The following CNKSR2 variants were observed in gnomAD, a reference collection of about 807,000 sequenced individuals.
CNKSR2 encodes connector enhancer of kinase suppressor of Ras 2.
CNKSR2 carries 14 observed loss-of-function variants against 84.4 expected under a neutral mutation model. The observed-to-expected ratio is 0.17, with a 90% CI of 0.11 to 0.26. CNKSR2 has a LOEUF of 0.26. Among genes scored for constraint, CNKSR2 ranks in the 10% least tolerant of loss-of-function variants. CNKSR2 has a pLI of 1.00. For missense variants in CNKSR2, 485 were observed against 771.2 expected, an observed-to-expected ratio of 0.63 and a Z score of 4.40; for synonymous variants, 275 against 277.9, an observed-to-expected ratio of 0.99 and a Z score of 0.10.
chrX:21,498,645 A>G (rs1418177975), intron 7 of CNKSR2, among the ~76,000 whole-genome samples: 1 of 112,202 alleles, frequency 8.9e-6, no homozygotes, highest in Non-Finnish European at 1.9e-5. Context: ...AGGCCATGCT[A>G]TAGAGAACTA....
At chrX:21,508,122 G>A (rs1251747699) in intron 8 of CNKSR2, among the ~76,000 whole-genome samples, 1 of 112,120 alleles carries the variant, frequency 8.9e-6, no homozygotes, top group Non-Finnish European at 1.9e-5. Flanking sequence ...GAGGCTAGAA[G>A]TTCAAGACCA....
At chrX:21,463,920 G>A (rs773252623) in intron 4 of CNKSR2, among the ~76,000 whole-genome samples, 3 of 111,894 alleles carry the variant, frequency 2.7e-5, no homozygotes, top group Non-Finnish European at 5.6e-5. Context: ...TGGGGTTAGG[G>A]GAGGGTTGAT....
chrX:21,500,703 G>A (rs2091550601), intron 7 of CNKSR2, among the ~76,000 whole-genome samples: 1 of 110,945 alleles, frequency 9.0e-6, no homozygotes, highest in Non-Finnish European at 1.9e-5. Flanking sequence ...AAACTTGTCA[G>A]TATTAGCTTA....
At chrX:21,542,717 C>T (rs2091986998) in intron 11 of CNKSR2, among the ~76,000 whole-genome samples, 1 of 111,671 alleles carries the variant, frequency 9.0e-6, no homozygotes, top group African/African-American at 3.3e-5. Context: ...ACACAGTTGG[C>T]TGAGTCCCTT....
intron 13 of CNKSR2, among the ~76,000 whole-genome samples, chrX:21,574,337 C>T (rs1172879101): frequency 8.9e-6 from 1 of 111,886 alleles, no homozygotes; most frequent in African/African-American, 3.3e-5. Context: ...CAGCACCCCA[C>T]TCTACTGGTA....
At chrX:21,458,528 C>T (rs1248691042) in intron 4 of CNKSR2, among the ~76,000 whole-genome samples, 1 of 111,965 alleles carries the variant, frequency 8.9e-6, no homozygotes, top group Non-Finnish European at 1.9e-5. Context: ...TCCCTCTCCC[C>T]TATGGAAAAG....
rs1192172830 is a variant in CNKSR2 at position 21,606,798 on chromosome X, C to A, written c.2064C>A (p.Asp688Glu). The A allele has an allele frequency of 8.4e-7, 1 of 1,193,205 alleles. No homozygotes were observed. The highest frequency in any genetic ancestry group is 2.2e-5 in the Admixed American group (1 of 45,530). Residue 688 changes from aspartate to glutamate, a missense_variant, in exon 19 of 22, where the codon GAC (aspartate) becomes GAA (glutamate). This residue lies in a region of CNKSR2 where 210 missense variants were observed against 291.5 expected (regional missense o/e 0.72). Coordinates refer to ENST00000379510, the MANE Select transcript of CNKSR2 (RefSeq NM_014927.5). The stretch of plus-strand genomic sequence containing the variant: ...TTTCAGATTACTGGAGTGAGAGTGA[C>A]AAGGAAGAAGCAGATACTCCATCAA... ...KQEQDYWSESDKEEADTPSTP... is the reference protein window; with the variant it reads ...KQEQDYWSESEKEEADTPSTP...
At chrX:21,480,876 A>G (rs1382539502) in intron 5 of CNKSR2, among the ~76,000 whole-genome samples, 1 of 112,111 alleles carries the variant, frequency 8.9e-6, no homozygotes, top group African/African-American at 3.2e-5. Flanking sequence ...TGTTGGGCTC[A>G]CTAGGCATTA....
At chrX:21,405,271 A>G (rs914856287) in intron 1 of CNKSR2, among the ~76,000 whole-genome samples, 12 of 111,800 alleles carry the variant, frequency 1.1e-4, no homozygotes, top group South Asian at 7.4e-4. Flanking sequence ...ACTATTGGGC[A>G]TTCTTATCCA....
At chrX:21,615,269 G>C (rs1256927772) in intron 20 of CNKSR2, among the ~76,000 whole-genome samples, 1 of 112,253 alleles carries the variant, frequency 8.9e-6, no homozygotes, top group Non-Finnish European at 1.9e-5. Context: ...CTATTGAAAT[G>C]TTAGATATAT....
intron 3 of CNKSR2, among the ~76,000 whole-genome samples, chrX:21,435,871 A>T (rs1340485293): frequency 1.8e-5 from 2 of 111,560 alleles, no homozygotes; most frequent in East Asian, 5.6e-4. Flanking sequence ...AGAGTTTATA[A>T]AATACCTTTT....
chrX:21,426,633 G>A lies in CNKSR2; in HGVS notation c.201G>A (p.Leu67=). The change falls in exon 2 of 22, where the codon TTG becomes TTA. Residue 67 remains leucine (L), a synonymous_variant. Coordinates refer to ENST00000379510, the MANE Select transcript of CNKSR2 (RefSeq NM_014927.5). ...VSRIGHQELI[L]EAVDLLCALN... is the part of the protein sequence containing the mutation. ...GCATTGGCCATCAGGAACTGATCTT[G>A]GAAGCAGTTGACCTTCTGTGTGCAT... 1 of 1,205,134 alleles carries A rather than the reference G, an allele frequency of 8.3e-7. No homozygotes were observed. The highest frequency in any genetic ancestry group is 1.8e-5 in the South Asian group (1 of 55,472).
chrX:21,593,267 T>C (rs1452772484), intron 15 of CNKSR2: 1 of 111,762 alleles, frequency 8.9e-6, no homozygotes, highest in Non-Finnish European at 1.9e-5. Context: ...TACTCCAAGA[T>C]TGGAAGAAAA....
chrX:21,374,492 G>T lies in CNKSR2; in HGVS notation c.-406G>T. 2.7e-6 allele frequency: 1 copy of T among 376,966 alleles called. No homozygotes were observed. The highest frequency in any genetic ancestry group is 3.9e-5 in the Admixed American group (1 of 25,323). 31.1% of individuals were successfully genotyped at this position (376,966 alleles called of 1,213,427 possible). A position where few individuals can be genotyped will look rare whatever the true frequency, so the allele number is the denominator to read the frequency against. On this transcript the variant is annotated 5_prime_UTR_variant, in exon 1 of 22. In the 5' UTR this introduces an upstream ATG that the reference lacks. Transcript: ENST00000379510. ...TGAGGCGAGCGGGCAAGTTGGCTGA[G>T]GGCGTGCGGCAGAGGCTGCTTCCCT...
chrX:21,617,919 A>C (rs1354172219), intron 20 of CNKSR2, among the ~76,000 whole-genome samples: 21 of 64,395 alleles, frequency 3.3e-4, no homozygotes, highest in African/African-American at 2.6e-4. Context: ...ACACCCCCCC[A>C]CACACACACC....
At chrX:21,490,101 G>A (rs1022543638) in intron 5 of CNKSR2, among the ~76,000 whole-genome samples, 3 of 111,402 alleles carry the variant, frequency 2.7e-5, no homozygotes, top group African/African-American at 9.8e-5. Context: ...AAAAGACTTC[G>A]AGATTTTTTA....
intron 11 of CNKSR2, among the ~76,000 whole-genome samples, chrX:21,551,218 G>A (rs140016304): frequency 0.072 from 7,882 of 109,568 alleles, 315 homozygotes; most frequent in Non-Finnish European, 0.11. Flanking sequence ...CCTTTCGGGG[G>A]TTGGGGGACT....
In CNKSR2 at chrX:21,535,622, T is replaced by G. The variant is rs187656826; in HGVS notation, c.1303+3555T>G. The stretch of plus-strand genomic sequence containing the variant: ...GTTAACTTTATTTCTAAGTATTTTT[T>G]GTAGCTATTATAAAGGGGATTGCAT... On this transcript the variant is annotated intron_variant, in intron 11 of 21. Transcript: ENST00000379510. Among the ~76,000 whole-genome samples the G allele has an allele frequency of 2.0e-3, 227 of 111,214 alleles. 1 individual carries two copies. The highest frequency in any genetic ancestry group is 5.0e-3 in the Admixed American group (52 of 10,448).
chrX:21,507,169 G>A (rs2091621503), intron 8 of CNKSR2, among the ~76,000 whole-genome samples: 1 of 110,438 alleles, frequency 9.1e-6, no homozygotes, highest in Admixed American at 9.7e-5. Flanking sequence ...ATAGATGATG[G>A]CATTAATCTT....
Sources: gnomAD v4.1 joint callset for allele counts (sites outside exome capture counted in the v4.1 genomes callset) on GRCh38, gnomAD v4.1.1 for gene constraint, gnomAD v4.1.1 regional missense constraint, MANE v1.5 for transcripts, NCBI Gene and HGNC (gene_info 2026-07-23, HGNC 2026-07-21) for gene names.